Variants in ADAMTSL1 observed in about 807,000 individuals in gnomAD.
The protein encoded by ADAMTSL1 is ADAMTS-like protein 1.
Under a neutral mutation model 201.8 loss-of-function variants are expected in ADAMTSL1, and 126 were observed. The observed-to-expected ratio is 0.62, with a 90% CI of 0.54 to 0.72. The LOEUF (loss-of-function observed/expected upper bound fraction) is 0.72, where lower values mean the gene tolerates loss of function less well. ADAMTSL1 is among the 30% of genes least tolerant of loss of function. The probability of loss-of-function intolerance (pLI) is 0.00; values close to 1 mark genes in which losing one functional copy is unlikely to be tolerated. For missense variants in ADAMTSL1, 2,679 were observed against 2,277.8 expected, an observed-to-expected ratio of 1.18 and a Z score of -3.59; for synonymous variants, 1,121 against 903.4, an observed-to-expected ratio of 1.24 and a Z score of -4.32.
intron 7 of ADAMTSL1, among the ~76,000 whole-genome samples, chr9:18,656,628 C>CAAAAAAAAAAAAA (rs34965386): frequency 5.3e-5 from 4 of 75,340 alleles, no homozygotes; most frequent in Admixed American, 3.4e-4. Context: ...GACTCCATCG[C>CAAAAAAAAAAAAA]AAAAAAAAAA....
chr9:18,499,720 T>A (rs1822732465), intron 1 of ADAMTSL1, among the ~76,000 whole-genome samples: 2 of 152,222 alleles, frequency 1.3e-5, no homozygotes, highest in Non-Finnish European at 1.5e-5. Flanking sequence ...ACCTTCTTGA[T>A]GATCTTAAAA....
intron 23 of ADAMTSL1, among the ~76,000 whole-genome samples, chr9:18,870,595 C>T (rs1484987395): frequency 6.6e-6 from 1 of 152,032 alleles, no homozygotes; most frequent in African/African-American, 2.4e-5. Context: ...TCTTAACAGC[C>T]CCCAGACTCT....
At chr9:18,850,224 C>T (rs1299368454) in intron 23 of ADAMTSL1, among the ~76,000 whole-genome samples, 1 of 152,196 alleles carries the variant, frequency 6.6e-6, no homozygotes, top group Non-Finnish European at 1.5e-5. Flanking sequence ...AATTCCCAGG[C>T]CCATGTGCCC....
chr9:17,997,102 T>A (rs1819413566), intron 1 of ADAMTSL1, among the ~76,000 whole-genome samples: 1 of 152,124 alleles, frequency 6.6e-6, no homozygotes, highest in Non-Finnish European at 1.5e-5. Context: ...GCCATTAGCC[T>A]TTAGTATGCA....
intron 1 of ADAMTSL1, among the ~76,000 whole-genome samples, chr9:17,994,919 G>A (rs982302436): frequency 3.5e-4 from 53 of 152,284 alleles, no homozygotes; most frequent in African/African-American, 1.2e-3. Flanking sequence ...GCCCTTTACA[G>A]GACCCAAATT....
intron 1 of ADAMTSL1, among the ~76,000 whole-genome samples, chr9:18,143,876 C>G (rs968600052): frequency 1.3e-5 from 2 of 152,148 alleles, no homozygotes; most frequent in African/African-American, 4.8e-5. Flanking sequence ...AGTGAGGGAA[C>G]TGCCATTGAG....
At chr9:17,996,496 G>A (rs1053765711) in intron 1 of ADAMTSL1, among the ~76,000 whole-genome samples, 5 of 152,092 alleles carry the variant, frequency 3.3e-5, no homozygotes, top group Non-Finnish European at 5.9e-5. Context: ...ATTGAACACA[G>A]GGATCATTGG....
chr9:18,534,002 A>G (rs915000840), intron 3 of ADAMTSL1, among the ~76,000 whole-genome samples: 1 of 152,304 alleles, frequency 6.6e-6, no homozygotes, highest in Middle Eastern at 3.4e-3. Context: ...GGAGGCAGGA[A>G]TGTCTGAGCA....
chr9:18,637,693 C>G (rs1411482924), intron 6 of ADAMTSL1, among the ~76,000 whole-genome samples: 1 of 152,046 alleles, frequency 6.6e-6, no homozygotes, highest in Non-Finnish European at 1.5e-5. Flanking sequence ...AAATATAATT[C>G]AGCAAAATGA....
rs564476543 is a variant in ADAMTSL1 at position 18,613,083 on chromosome 9, T to G, written c.475-9160T>G. Among the ~76,000 whole-genome samples, 3 of 152,226 alleles carry G rather than the reference T, an allele frequency of 2.0e-5. No homozygotes were observed. The South Asian group carries it at 6.2e-4, about 32-fold the overall frequency. On this transcript the variant is annotated intron_variant, in intron 4 of 28. Transcript: ENST00000380548. ...ACAGGCACTTCTCAAAAGAAGACAT[T>G]TATGTGACCAAAGAGCATATGGAAA...
At chr9:18,338,170 T>C (rs776464431) in intron 2 of ADAMTSL1, among the ~76,000 whole-genome samples, 4 of 152,138 alleles carry the variant, frequency 2.6e-5, no homozygotes, top group African/African-American at 4.8e-5. Flanking sequence ...CTGGGTTCCA[T>C]AGTGAACTGT....
chr9:18,859,178 A>C (rs1588252930), intron 23 of ADAMTSL1, among the ~76,000 whole-genome samples: 1 of 152,344 alleles, frequency 6.6e-6, no homozygotes, highest in South Asian at 2.1e-4. Context: ...CAGAAGTCCA[A>C]AACAGATCTT....
chr9:18,087,871 G>C (rs532171423), intron 1 of ADAMTSL1, among the ~76,000 whole-genome samples: 13 of 152,146 alleles, frequency 8.5e-5, no homozygotes, highest in Admixed American at 7.9e-4. Context: ...TCTGTCCTTT[G>C]GATGAAATAG....
chr9:17,986,719 G>A (rs867592159), intron 1 of ADAMTSL1, among the ~76,000 whole-genome samples: 1 of 152,120 alleles, frequency 6.6e-6, no homozygotes, highest in African/African-American at 2.4e-5. Context: ...TGACAGTGTG[G>A]CATTGCAGCA....
intron 20 of ADAMTSL1, among the ~76,000 whole-genome samples, chr9:18,816,398 G>C (rs181975135): frequency 6.6e-6 from 1 of 151,862 alleles, no homozygotes; most frequent in Non-Finnish European, 1.5e-5. Flanking sequence ...CACCACACCC[G>C]GTTAATTTTT....
At chr9:18,338,353 T>C (rs1835333972) in intron 2 of ADAMTSL1, among the ~76,000 whole-genome samples, 1 of 152,116 alleles carries the variant, frequency 6.6e-6, no homozygotes. Flanking sequence ...TTCCTTCCTA[T>C]TAGTGTCTGG....
At chr9:18,600,761 C>T (rs1210470126) in intron 4 of ADAMTSL1, among the ~76,000 whole-genome samples, 1 of 152,090 alleles carries the variant, frequency 6.6e-6, no homozygotes, top group African/African-American at 2.4e-5. Flanking sequence ...TTAAAAAGAA[C>T]ATTTGAGGTA....
intron 1 of ADAMTSL1, among the ~76,000 whole-genome samples, chr9:18,023,169 A>G (rs1049536408): frequency 6.6e-6 from 1 of 152,060 alleles, no homozygotes; most frequent in Non-Finnish European, 1.5e-5. Flanking sequence ...TGTCTGCGAA[A>G]GAGCAATTTA....
chr9:18,551,386 T>C (rs1820788955), intron 3 of ADAMTSL1, among the ~76,000 whole-genome samples: 1 of 152,044 alleles, frequency 6.6e-6, no homozygotes, highest in African/African-American at 2.4e-5. Flanking sequence ...AATTCTTATC[T>C]GATTTTAATA....
Sources: allele counts gnomAD v4.1 joint callset (sites outside exome capture counted in the v4.1 genomes callset), GRCh38; gene constraint gnomAD v4.1.1; transcripts MANE v1.5; gene names NCBI Gene and HGNC (gene_info 2026-07-23, HGNC 2026-07-21).